Variants in SLC44A5 observed in about 807,000 individuals in gnomAD.
SLC44A5 encodes choline transporter-like protein 5.
Under a neutral mutation model 101.8 loss-of-function variants are expected in SLC44A5, and 57 were observed. That is an observed-to-expected ratio of 0.56 (90% confidence interval 0.45 to 0.70). The LOEUF (loss-of-function observed/expected upper bound fraction) is 0.70. Ranked by LOEUF, SLC44A5 falls within the 30% of genes least tolerant of loss-of-function variation. The pLI, the probability that SLC44A5 is intolerant of heterozygous loss-of-function variation, is 0.00. For synonymous variants in SLC44A5, 281 were observed against 290.9 expected, an observed-to-expected ratio of 0.97 and a Z score of 0.35; for missense variants, 737 against 853.1, an observed-to-expected ratio of 0.86 and a Z score of 1.70.
chr1:75,230,072 C>A (rs1570417385), intron 12 of SLC44A5, among the ~76,000 whole-genome samples: 1 of 152,158 alleles, frequency 6.6e-6, no homozygotes, highest in Non-Finnish European at 1.5e-5. Context: ...ATTCATATTT[C>A]AGTTCATTAA....
intron 4 of SLC44A5, among the ~76,000 whole-genome samples, chr1:75,321,951 C>A (rs1209235424): frequency 1.3e-5 from 2 of 152,082 alleles, no homozygotes; most frequent in African/African-American, 4.8e-5. Flanking sequence ...AATTCAATTC[C>A]AAACTTCCCA....
chr1:75,549,453 T>A (rs1342311054), intron 1 of SLC44A5, among the ~76,000 whole-genome samples: 1 of 152,166 alleles, frequency 6.6e-6, no homozygotes, highest in Non-Finnish European at 1.5e-5. Flanking sequence ...TACACCTCTA[T>A]CACGATGTAT....
intron 5 of SLC44A5, among the ~76,000 whole-genome samples, chr1:75,291,849 A>C (rs573276338): frequency 2.0e-5 from 3 of 151,944 alleles, no homozygotes; most frequent in Admixed American, 2.0e-4. Context: ...GTTTCTACTA[A>C]AAAATACAAA....
At chr1:75,644,681 G>A in the SLC44A5 span, among the ~76,000 whole-genome samples, 2 of 151,580 alleles carry the variant, frequency 1.3e-5, no homozygotes, top group African/African-American at 2.4e-5. Context: ...GAGTACATGT[G>A]CACAACGTGC....
intron 6 of SLC44A5, among the ~76,000 whole-genome samples, chr1:75,269,618 A>G (rs1003222349): frequency 1.3e-5 from 2 of 152,064 alleles, no homozygotes; most frequent in Non-Finnish European, 2.9e-5. Flanking sequence ...TATTTTTATG[A>G]ATGGTATTTC....
chr1:75,227,678 T>A, intron 13 of SLC44A5, 48 bp downstream of exon 13: 1 of 1,471,492 alleles, frequency 6.8e-7, no homozygotes, highest in African/African-American at 1.4e-5. Context: ...CAAAAAGATA[T>A]TTTCTCATTA....
intron 1 of SLC44A5, among the ~76,000 whole-genome samples, chr1:75,610,622 T>C (rs2102183964): frequency 6.6e-6 from 1 of 152,248 alleles, no homozygotes; most frequent in South Asian, 2.1e-4. Flanking sequence ...TGGTCAGCTG[T>C]GATTCATTTT....
intron 2 of SLC44A5, among the ~76,000 whole-genome samples, chr1:75,463,602 T>A (rs550317209): frequency 1.4e-4 from 22 of 152,146 alleles, no homozygotes; most frequent in African/African-American, 5.3e-4. Flanking sequence ...ATAGTATATA[T>A]CTGGTGAAAA....
At chr1:75,661,386 G>GAA in the SLC44A5 span, among the ~76,000 whole-genome samples, 1 of 10,396 alleles carries the variant, frequency 9.6e-5, no homozygotes, top group Admixed American at 1.8e-3. Flanking sequence ...ACTACTGCAA[G>GAA]TAAAAAAAAA....
chr1:75,629,263 G>A, the SLC44A5 span, among the ~76,000 whole-genome samples: 2,497 of 152,186 alleles, frequency 0.016, 69 homozygotes, highest in African/African-American at 0.057. Context: ...TGCTACTGGG[G>A]AGAAATGGGC....
At chr1:75,518,674 T>A (rs1669962920) in intron 2 of SLC44A5, among the ~76,000 whole-genome samples, 1 of 152,334 alleles carries the variant, frequency 6.6e-6, no homozygotes, top group South Asian at 2.1e-4. Flanking sequence ...CTTTGAACAT[T>A]CTATCTGTTA....
At chr1:75,686,124 T>C in the SLC44A5 span, among the ~76,000 whole-genome samples, 1 of 151,938 alleles carries the variant, frequency 6.6e-6, no homozygotes, top group Non-Finnish European at 1.5e-5. Context: ...TCTCACCAGG[T>C]CCCTCCCATG....
At chr1:75,629,195 T>C in the SLC44A5 span, among the ~76,000 whole-genome samples, 1 of 141,228 alleles carries the variant, frequency 7.1e-6, no homozygotes, top group African/African-American at 2.5e-5. Flanking sequence ...ATGTACTTCC[T>C]ATGTTGTTTA....
At chr1:75,472,819 T>A (rs1371204309) in intron 2 of SLC44A5, among the ~76,000 whole-genome samples, 1 of 152,194 alleles carries the variant, frequency 6.6e-6, no homozygotes, top group African/African-American at 2.4e-5. Flanking sequence ...TGTCCTCATT[T>A]CACAAGTCCT....
At chr1:75,628,594 A>G in the SLC44A5 span, among the ~76,000 whole-genome samples, 358 of 152,304 alleles carry the variant, frequency 2.4e-3, 2 homozygotes, top group Non-Finnish European at 2.7e-3. Context: ...CTTCCCATAT[A>G]ACTTAATTAT....
chr1:75,483,184 T>A lies in SLC44A5; in HGVS notation c.13+58251A>T, dbSNP rs143842459. On this transcript the variant is annotated intron_variant, in intron 2 of 23. Transcript: ENST00000370859. Reference sequence around the variant, plus strand: ...AAAACTGCGTTGGCCAAAACTGGCCTGAGGGAAACAGAAGTGCTACCTCAG... The same window carrying A: ...AAAACTGCGTTGGCCAAAACTGGCCAGAGGGAAACAGAAGTGCTACCTCAG... Among the ~76,000 whole-genome samples the A allele has an allele frequency of 7.2e-3, 1,098 of 152,308 alleles. 14 individuals carry two copies. The highest frequency in any genetic ancestry group is 0.039 in the South Asian group (189 of 4,830).
At chr1:75,534,163 T>C (rs1398749209) in intron 2 of SLC44A5, among the ~76,000 whole-genome samples, 1 of 152,176 alleles carries the variant, frequency 6.6e-6, no homozygotes, top group Admixed American at 6.5e-5. Flanking sequence ...TATCTTACTC[T>C]AACCATTCTG....
chr1:75,641,096 CTCTCCCAGAGT>C, the SLC44A5 span, among the ~76,000 whole-genome samples: 1 of 152,084 alleles, frequency 6.6e-6, no homozygotes, highest in Non-Finnish European at 1.5e-5. Flanking sequence ...CAACTTTAGA[CTCTCCCAGAGT>C]TCTTTCCTTG....
chr1:75,331,987 T>C (rs1657094363), intron 4 of SLC44A5, among the ~76,000 whole-genome samples: 1 of 152,228 alleles, frequency 6.6e-6, no homozygotes, highest in African/African-American at 2.4e-5. Context: ...TCTCTTCCTC[T>C]TACTTATGTT....
Sources: gnomAD v4.1 joint callset for allele counts (sites outside exome capture counted in the v4.1 genomes callset) on GRCh38, gnomAD v4.1.1 for gene constraint, MANE v1.5 for transcripts, NCBI Gene and HGNC (gene_info 2026-07-23, HGNC 2026-07-21) for gene names.